Variants in RIMKLB observed in about 807,000 individuals in gnomAD.
The protein encoded by RIMKLB is beta-citrylglutamate synthase B.
In RIMKLB, 7 loss-of-function variants were observed where a neutral mutation model predicts 32.0. The ratio of observed to expected loss-of-function variants is 0.22; its 90% CI spans 0.12 to 0.41. The LOEUF (loss-of-function observed/expected upper bound fraction) is 0.41, where lower values mean the gene tolerates loss of function less well. Among genes scored for constraint, RIMKLB ranks in the 10% least tolerant of loss-of-function variants. RIMKLB has a pLI of 1.00. For missense variants in RIMKLB, 289 were observed against 498.7 expected (o/e 0.58, Z 4.00); for synonymous variants, 172 against 185.1 (o/e 0.93, Z 0.57).
chr12:8,772,436 G>A (rs962535659), intron 5 of RIMKLB, among the ~76,000 whole-genome samples: 2 of 152,162 alleles, frequency 1.3e-5, no homozygotes, highest in African/African-American at 4.8e-5. Flanking sequence ...TTACATCAGG[G>A]CTCACTCAGC....
chr12:8,781,372 C>A (rs1282619186), downstream of RIMKLB, among the ~76,000 whole-genome samples: 1 of 152,130 alleles, frequency 6.6e-6, no homozygotes. Context: ...CTAAAAGATT[C>A]TTCCCTTTTT....
At chr12:8,684,135 G>A (rs970043503) in intron 1 of RIMKLB, among the ~76,000 whole-genome samples, 7 of 151,638 alleles carry the variant, frequency 4.6e-5, no homozygotes, top group Non-Finnish European at 7.4e-5. Flanking sequence ...CTTTGGTGTC[G>A]TATCTAAAAA....
Position 8,686,908 on chromosome 12 carries a change from T to A in RIMKLB, n.219+5090T>A, listed in dbSNP as rs184651477. On this transcript the variant is annotated intron_variant and non_coding_transcript_variant, in intron 1 of 1. Coordinates refer to the RIMKLB transcript ENST00000538758. ...ATGGAGAAATCAGCGATTATGAACT[T>A]TAGTGCATCAGAATCATCAATGTAT... 8.5e-5 allele frequency among the ~76,000 whole-genome samples: 13 copies of A among 152,346 alleles called. No homozygotes were observed. The East Asian group carries it at 2.3e-3, about 27-fold the overall frequency.
intron 2 of RIMKLB, among the ~76,000 whole-genome samples, chr12:8,745,869 A>G (rs1390405834): frequency 6.7e-6 from 1 of 150,044 alleles, no homozygotes; most frequent in Non-Finnish European, 1.5e-5. Context: ...TAATTGTTCT[A>G]TTTTTAGTAC....
At chr12:8,671,281 G>A in the RIMKLB span, among the ~76,000 whole-genome samples, 229 of 150,622 alleles carry the variant, frequency 1.5e-3, no homozygotes, top group African/African-American at 5.3e-3. Context: ...ATGGAATTTC[G>A]CTCTTGTTGC....
intron 2 of RIMKLB, among the ~76,000 whole-genome samples, chr12:8,731,349 C>T (rs1321197190): frequency 1.3e-5 from 2 of 152,268 alleles, no homozygotes; most frequent in Non-Finnish European, 2.9e-5. Context: ...CCACCCACAT[C>T]GGCCTCCCAA....
chr12:8,759,088 A>G (rs74061803), intron 5 of RIMKLB, among the ~76,000 whole-genome samples: 5,163 of 152,228 alleles, frequency 0.034, 257 homozygotes, highest in African/African-American at 0.11. Flanking sequence ...GAATTGATGG[A>G]ACAAAATACA....
Position 8,774,497 on chromosome 12 carries a change from A to G in RIMKLB, c.*713A>G. The G allele has an allele frequency of 1.0e-6, 1 of 981,150 alleles. No individual in the cohort carries two copies. The highest frequency in any genetic ancestry group is 1.8e-5 in the African/African-American group (1 of 57,118). The allele number at this position is 981,150 out of a possible 1,614,324, so 60.8% of individuals were successfully genotyped here. ...AATTCAATGTAGATAAAATTACACTAGTTTAAAATATGTGCATTCACTTGT... is the reference window on the plus strand; with the variant it reads ...AATTCAATGTAGATAAAATTACACTGGTTTAAAATATGTGCATTCACTTGT... On this transcript the variant is annotated 3_prime_UTR_variant, in exon 6 of 6. Coordinates refer to ENST00000535829, the MANE Select transcript of RIMKLB (RefSeq NM_001297776.2).
chr12:8,744,894 G>GT (rs1565606213), intron 2 of RIMKLB, among the ~76,000 whole-genome samples: 1 of 151,558 alleles, frequency 6.6e-6, no homozygotes, highest in East Asian at 1.9e-4. Context: ...TGTGTACAAC[G>GT]TGCAGGTTTG....
intron 2 of RIMKLB, among the ~76,000 whole-genome samples, chr12:8,718,928 T>G (rs1408824794): frequency 1.3e-5 from 2 of 152,166 alleles, no homozygotes; most frequent in East Asian, 3.8e-4. Context: ...TGTTCTATAG[T>G]CTGTGGCTTT....
chr12:8,709,194 ACT>A (rs1446526569), intron 1 of RIMKLB, among the ~76,000 whole-genome samples: 2 of 152,024 alleles, frequency 1.3e-5, no homozygotes, highest in African/African-American at 4.8e-5. Context: ...TTTATAGAGG[ACT>A]CTACTGTCTT....
chr12:8,774,623 CTGCATCTTTAACAA>C lies in RIMKLB; in HGVS notation c.*842_*855del. 1.0e-6 allele frequency: 1 copy of C among 981,926 alleles called. No homozygotes were observed. Among genetic ancestry groups the C allele is most frequent in the Non-Finnish European group, 1.2e-6 (1 of 828,688 alleles). 60.8% of individuals were successfully genotyped at this position (981,926 alleles called of 1,614,324 possible). A position where few individuals can be genotyped will look rare whatever the true frequency, so the allele number is the denominator to read the frequency against. Reference sequence around the variant, plus strand: ...TAGTCTAACATTTCCTGCTCTATGCCTGCATCTTTAACAATGGCCAAAGTGAAGAAAATGCTACC... The same window carrying C: ...TAGTCTAACATTTCCTGCTCTATGCCTGGCCAAAGTGAAGAAAATGCTACC... On this transcript the variant is annotated 3_prime_UTR_variant, in exon 6 of 6. Transcript: ENST00000535829.
chr12:8,773,043 T>C (rs1345002324), intron 5 of RIMKLB, among the ~76,000 whole-genome samples: 1 of 152,222 alleles, frequency 6.6e-6, no homozygotes, highest in Non-Finnish European at 1.5e-5. Context: ...CTAATTGTAT[T>C]TATGCTGAAC....
At chr12:8,712,473 G>A (rs1263841720) in intron 1 of RIMKLB, among the ~76,000 whole-genome samples, 1 of 152,144 alleles carries the variant, frequency 6.6e-6, no homozygotes, top group Non-Finnish European at 1.5e-5. Context: ...TAACCCTAGA[G>A]CATCCGACAT....
chr12:8,773,221 A>T (rs1367135549), intron 5 of RIMKLB, 100 bp from the exon 6 acceptor site: 5 of 802,834 alleles, frequency 6.2e-6, no homozygotes, highest in Non-Finnish European at 1.0e-5. Flanking sequence ...CTTTGTTTTC[A>T]CTATTAATTT....
rs138683226 is a variant in RIMKLB at position 8,782,437 on chromosome 12, G to A, written c.*298-475G>A. On this transcript the variant is annotated intron_variant, in intron 7 of 7. Coordinates refer to the RIMKLB transcript ENST00000619374. ...CACATATATATATTTAACATAAGCT[G>A]TCTAAAATAAGTCACAAAACTTGCA... Among the ~76,000 whole-genome samples, 1,430 of 152,150 alleles carry A rather than the reference G, an allele frequency of 9.4e-3. 28 individuals carry two copies. The highest frequency in any genetic ancestry group is 0.032 in the African/African-American group (1,344 of 41,508).
downstream of RIMKLB, among the ~76,000 whole-genome samples, chr12:8,781,345 A>G (rs1192520916): frequency 6.6e-6 from 1 of 152,222 alleles, no homozygotes; most frequent in Non-Finnish European, 1.5e-5. Flanking sequence ...TCCATCTCAA[A>G]TAAATAAAAA....
downstream of RIMKLB, chr12:8,779,291 T>A (rs1592053896): frequency 6.6e-6 from 1 of 152,164 alleles, no homozygotes. Context: ...GTGAGCCTTA[T>A]ATAGCATATA....
At chr12:8,681,724 G>T (rs756656199) in exon 1 of RIMKLB, 1 of 152,222 alleles carries the variant, frequency 6.6e-6, no homozygotes, top group Admixed American at 6.5e-5. Context: ...CTGCTAGGAG[G>T]GTGGTGTACT....
Sources: allele counts gnomAD v4.1 joint callset (sites outside exome capture counted in the v4.1 genomes callset), GRCh38; gene constraint gnomAD v4.1.1; transcripts MANE v1.5; gene names NCBI Gene and HGNC (gene_info 2026-07-23, HGNC 2026-07-21).